FBXO8: variants seen among roughly 807,000 people sequenced by gnomAD.
FBXO8 encodes F-box protein 8, also known as F-box only protein 8.
In FBXO8, 15 loss-of-function variants were observed where a neutral mutation model predicts 33.4. The observed-to-expected ratio is 0.45, with a 90% CI of 0.30 to 0.69. The LOEUF is 0.69. FBXO8 is among the 30% of genes least tolerant of loss of function. The probability of loss-of-function intolerance (pLI) is 0.08; values close to 1 mark genes in which losing one functional copy is unlikely to be tolerated. For synonymous variants in FBXO8, 132 were observed against 131.5 expected (o/e 1.00, Z -0.02); for missense variants, 274 against 380.3 (o/e 0.72, Z 2.32).
rs895238096 is a variant in FBXO8, at chr4:174,274,060, A to C, written c.-9+9350T>G. Among the ~76,000 whole-genome samples the C allele has an allele frequency of 6.6e-6, 1 of 152,192 alleles. No individual in the cohort carries two copies. Among genetic ancestry groups the C allele is most frequent in the African/African-American group, 2.4e-5 (1 of 41,442 alleles). The stretch of plus-strand genomic sequence containing the variant: ...TTCCCAGAACCGCTGGAGCCCATGG[A>C]TGACAAAAGCAATTTACCATCTGTT... On this transcript the variant is annotated intron_variant, in intron 1 of 5. Transcript: ENST00000393674. This position sits in a 1 kb window ranked among gnomAD's most constrained non-coding sequence, Gnocchi z 4.0.
At position 174,272,664 on chromosome 4, in the gene FBXO8, A is replaced by G. The variant is rs1560875327; in HGVS notation, c.-8-9564T>C. Among the ~76,000 whole-genome samples the G allele has an allele frequency of 6.6e-6, 1 of 152,206 alleles. No homozygotes were observed. The highest frequency in any genetic ancestry group is 2.4e-5 in the African/African-American group (1 of 41,454). ...TAGTTAGAAAAATTATCATTTTACC[A>G]TCAGAGAAAAAATAATTTAGGCAAG... On this transcript the variant is annotated intron_variant, in intron 1 of 5. Coordinates refer to ENST00000393674, the MANE Select transcript of FBXO8 (RefSeq NM_012180.3). The surrounding 1 kb of genome is among the most constrained non-coding windows in gnomAD (Gnocchi z 4.7).
chr4:174,274,862 C>T lies in FBXO8; in HGVS notation c.-9+8548G>A, dbSNP rs1030143095. On this transcript the variant is annotated intron_variant, in intron 1 of 5. Coordinates refer to ENST00000393674, the MANE Select transcript of FBXO8 (RefSeq NM_012180.3). The surrounding 1 kb of genome is among the most constrained non-coding windows in gnomAD (Gnocchi z 4.0). The stretch of plus-strand genomic sequence containing the variant: ...AAACTATAAAAATTTTAGAAAAATA[C>T]ATAGAAGGAAATCTTTGGGGTCTAA... Among the ~76,000 whole-genome samples the T allele has an allele frequency of 3.3e-5, 5 of 152,064 alleles. No homozygotes were observed. Among genetic ancestry groups the T allele is most frequent in the African/African-American group, 4.8e-5 (2 of 41,412 alleles).
Position 174,241,718 on chromosome 4 carries a change from T to A in FBXO8, c.457-500A>T, listed in dbSNP as rs914664412. On this transcript the variant is annotated intron_variant, in intron 3 of 5. Transcript: ENST00000393674. The surrounding 1 kb of genome is among the most constrained non-coding windows in gnomAD (Gnocchi z 4.2). ...GGAGAAAAATATTAAATTATTTAAC[T>A]TAAAGTAAAGGAAGCCCAACTCCAA... Among the ~76,000 whole-genome samples, 2 of 151,560 alleles carry A rather than the reference T, an allele frequency of 1.3e-5. No individual in the cohort carries two copies. The highest frequency in any genetic ancestry group is 3.0e-5 in the Non-Finnish European group (2 of 67,594).
At chr4:174,271,537 T>C (rs1736838526) in intron 1 of FBXO8, among the ~76,000 whole-genome samples, 1 of 152,138 alleles carries the variant, frequency 6.6e-6, no homozygotes, top group Non-Finnish European at 1.5e-5. Flanking sequence ...ATCACATATC[T>C]AGAATGCTTA....
At chr4:174,271,663 T>C (rs1736840287) in intron 1 of FBXO8, among the ~76,000 whole-genome samples, 1 of 152,142 alleles carries the variant, frequency 6.6e-6, no homozygotes, top group South Asian at 2.1e-4. Context: ...ATATTTACAA[T>C]TGGCCCAGCA....
At position 174,276,390 on chromosome 4, in the gene FBXO8, G is replaced by A. The variant is rs189524103; in HGVS notation, c.-9+7020C>T. Among the ~76,000 whole-genome samples the A allele has an allele frequency of 1.9e-3, 290 of 152,014 alleles. 2 individuals carry two copies. The highest frequency in any genetic ancestry group is 2.6e-3 in the Non-Finnish European group (175 of 67,972). On this transcript the variant is annotated intron_variant, in intron 1 of 5. Transcript: ENST00000393674. ...GTAGCTGGGACTACAGGCGCGCACC[G>A]CCATGCCTGGCTAATTTTTGTATTT...
chr4:174,247,012 T>C lies in FBXO8; in HGVS notation c.457-5794A>G, dbSNP rs911945711. Among the ~76,000 whole-genome samples, 34 of 151,940 alleles carry C rather than the reference T, an allele frequency of 2.2e-4. No homozygotes were observed. Among genetic ancestry groups the C allele is most frequent in the Admixed American group, 2.2e-3 (34 of 15,206 alleles). On this transcript the variant is annotated intron_variant, in intron 3 of 5. Coordinates refer to ENST00000393674, the MANE Select transcript of FBXO8 (RefSeq NM_012180.3). This position sits in a 1 kb window ranked among gnomAD's most constrained non-coding sequence, Gnocchi z 4.6. ...TGCCAAGCAGCAGTGAGAATCTAGG[T>C]GAAGTTAATGTGAATTCAGCCCATC...
Position 174,259,716 on chromosome 4 carries a change from T to C in FBXO8, c.439A>G (p.Asn147Asp). 6.2e-7 allele frequency: 1 copy of C among 1,610,854 alleles called. No individual in the cohort carries two copies. The highest frequency in any genetic ancestry group is 1.1e-5 in the South Asian group (1 of 90,608). Residue 147 changes from asparagine to aspartate, a missense_variant, in exon 3 of 6, where the codon AAT becomes GAT. Asn to Asp is a conservative substitution (Grantham distance 23, BLOSUM62 1). Around this residue, in one of 2 missense-constraint regions of FBXO8, gnomAD observed 186 missense variants for 293.4 expected, o/e 0.63. Transcript: ENST00000393674. This position sits in a 1 kb window ranked among gnomAD's most constrained non-coding sequence, Gnocchi z 4.3. ...MQLDEGSLTF[N>D]ANPDEGVNYF... Reference sequence around the variant, plus strand: ...TCACTAACCTCATCTGGGTTGGCATTAAAGGTGAGGCTGCCTTCATCCAGC... The same window carrying C: ...TCACTAACCTCATCTGGGTTGGCATCAAAGGTGAGGCTGCCTTCATCCAGC...
At chr4:174,258,692 C>T (rs1165064003) in intron 3 of FBXO8, among the ~76,000 whole-genome samples, 1 of 151,656 alleles carries the variant, frequency 6.6e-6, no homozygotes, top group Non-Finnish European at 1.5e-5. Flanking sequence ...AAAAAATAAA[C>T]CATACATAAG....
In FBXO8 at chr4:174,259,912, C is replaced by T. The variant is rs1025979930; in HGVS notation, c.330-87G>A. 8 of 1,303,850 alleles carry T rather than the reference C, an allele frequency of 6.1e-6. No individual in the cohort carries two copies. Among genetic ancestry groups the T allele is most frequent in the African/African-American group, 1.5e-5 (1 of 65,812 alleles). 80.8% of individuals were successfully genotyped at this position (1,303,850 alleles called of 1,614,324 possible). Reference sequence around the variant, plus strand: ...ATGCATATACATGCAAAAATAGTAACATGAAATAAGATTGAATTTTATAGT... The same window carrying T: ...ATGCATATACATGCAAAAATAGTAATATGAAATAAGATTGAATTTTATAGT... On this transcript the variant is annotated intron_variant, in intron 2 of 5. Transcript: ENST00000393674. This position sits in a 1 kb window ranked among gnomAD's most constrained non-coding sequence, Gnocchi z 4.3.
At chr4:174,268,579 G>A (rs769756492) in intron 1 of FBXO8, among the ~76,000 whole-genome samples, 9 of 149,760 alleles carry the variant, frequency 6.0e-5, no homozygotes, top group Non-Finnish European at 1.2e-4. Context: ...GGGACTACAG[G>A]CGCCTGCTAC....
rs1023978608 is a variant in FBXO8 at position 174,272,507 on chromosome 4, C to T, written c.-8-9407G>A. ...GATGCAGATCCACAAATACTGAGGA[C>T]CAACTGTATAATCCATTACATAAAA... On this transcript the variant is annotated intron_variant, in intron 1 of 5. Transcript: ENST00000393674. This position sits in a 1 kb window ranked among gnomAD's most constrained non-coding sequence, Gnocchi z 4.7. Among the ~76,000 whole-genome samples, 4 of 152,108 alleles carry T rather than the reference C, an allele frequency of 2.6e-5. No homozygotes were observed. Among genetic ancestry groups the T allele is most frequent in the Admixed American group, 1.3e-4 (2 of 15,264 alleles).
At position 174,240,922 on chromosome 4, in the gene FBXO8, C is replaced by A. The variant is rs561360922; in HGVS notation, c.575+178G>T. Among the ~76,000 whole-genome samples the A allele has an allele frequency of 2.0e-5, 3 of 151,744 alleles. No homozygotes were observed. In the South Asian group the frequency reaches 6.2e-4, roughly 31 times the overall value. ...CTTACTTTTAAAATGGTAACTTCCT[C>A]ATCAACAAGTCAAAGCTCACGAAAG... On this transcript the variant is annotated intron_variant, in intron 4 of 5. Transcript: ENST00000393674.
At position 174,278,519 on chromosome 4, in the gene FBXO8, G is replaced by T. The variant is rs953121524; in HGVS notation, c.-9+4891C>A. 1.3e-5 allele frequency among the ~76,000 whole-genome samples: 2 copies of T among 152,030 alleles called. No homozygotes were observed. Among genetic ancestry groups the T allele is most frequent in the African/African-American group, 2.4e-5 (1 of 41,422 alleles). On this transcript the variant is annotated intron_variant, in intron 1 of 5. Coordinates refer to ENST00000393674, the MANE Select transcript of FBXO8 (RefSeq NM_012180.3). The surrounding 1 kb of genome is among the most constrained non-coding windows in gnomAD (Gnocchi z 4.1). ...TCAATTTCTGTGGTTTGTTTTTCAA[G>T]AAATGCTCCATTGTCCAACTATTTG...
rs1312855883 is a variant in FBXO8, at chr4:174,252,979, TA to T, written c.456+6719del. On this transcript the variant is annotated intron_variant, in intron 3 of 5. Transcript: ENST00000393674. This position sits in a 1 kb window ranked among gnomAD's most constrained non-coding sequence, Gnocchi z 5.1. The stretch of plus-strand genomic sequence containing the variant: ...GAGTGAGCCTCTGTCTCAAGAAAAA[TA>T]AAAAATCTAAAAAATCTTTCTCTAT... Among the ~76,000 whole-genome samples, 4 of 151,756 alleles carry T rather than the reference TA, an allele frequency of 2.6e-5. No homozygotes were observed. The highest frequency in any genetic ancestry group is 5.9e-5 in the Non-Finnish European group (4 of 67,900).
intron 1 of FBXO8, among the ~76,000 whole-genome samples, chr4:174,273,333 AAAAAG>A (rs141502495): frequency 2.5e-4 from 29 of 116,102 alleles, no homozygotes; most frequent in African/African-American, 6.9e-4. Flanking sequence ...TAAAAAAAAA[AAAAAG>A]AAAAGAAAAG....
chr4:174,268,732 G>A (rs950945092), intron 1 of FBXO8, among the ~76,000 whole-genome samples: 15 of 152,196 alleles, frequency 9.9e-5, no homozygotes, highest in Admixed American at 9.8e-4. Context: ...CACCGCGCCC[G>A]GCCGGGGGCC....
In FBXO8 at chr4:174,277,010, G is replaced by T. The variant is rs1220142266; in HGVS notation, c.-9+6400C>A. Reference sequence around the variant, plus strand: ...ATGTAGTTTCTGAAACAGCTATATTGTTCTGACATAATTTTGGATGTATTT... The same window carrying T: ...ATGTAGTTTCTGAAACAGCTATATTTTTCTGACATAATTTTGGATGTATTT... On this transcript the variant is annotated intron_variant, in intron 1 of 5. Coordinates refer to ENST00000393674, the MANE Select transcript of FBXO8 (RefSeq NM_012180.3). The surrounding 1 kb of genome is among the most constrained non-coding windows in gnomAD (Gnocchi z 4.9). Among the ~76,000 whole-genome samples, 4 of 152,126 alleles carry T rather than the reference G, an allele frequency of 2.6e-5. No homozygotes were observed. The highest frequency in any genetic ancestry group is 7.2e-5 in the African/African-American group (3 of 41,434).
chr4:174,282,047 T>C (rs1321989973), intron 1 of FBXO8, among the ~76,000 whole-genome samples: 1 of 152,190 alleles, frequency 6.6e-6, no homozygotes, highest in Non-Finnish European at 1.5e-5. Flanking sequence ...GTTGGTTAAA[T>C]AATAAACCAT....
Sources: allele counts gnomAD v4.1 joint callset (sites outside exome capture counted in the v4.1 genomes callset), GRCh38; gene constraint gnomAD v4.1.1; regional missense constraint gnomAD v4.1.1; non-coding constraint Gnocchi (gnomAD v3.1); transcripts MANE v1.5; gene names NCBI Gene and HGNC (gene_info 2026-07-23, HGNC 2026-07-21).